The following NSDHL variants were observed in gnomAD, a reference collection of about 807,000 sequenced individuals.
NSDHL encodes NAD(P) dependent 3-beta-hydroxysteroid dehydrogenase NSDHL, also known as sterol-4-alpha-carboxylate 3-dehydrogenase, decarboxylating.
In NSDHL, 1 loss-of-function variant was observed where a neutral mutation model predicts 23.0. The observed-to-expected ratio is 0.04, with a 90% confidence interval of 0.02 to 0.21. NSDHL has a LOEUF of 0.21. Among genes scored for constraint, NSDHL ranks in the 10% least tolerant of loss-of-function variants. The pLI is 1.00. For missense variants in NSDHL, 237 were observed against 300.9 expected, an observed-to-expected ratio of 0.79 and a Z score of 1.57; for synonymous variants, 128 against 121.1, an observed-to-expected ratio of 1.06 and a Z score of -0.37.
rs1933484814 is a variant in NSDHL at position 152,858,904 on chromosome X, G to A, written c.402G>A (p.Glu134=). The change falls in exon 4 of 8, where the codon GAG becomes GAA. Residue 134 remains glutamate (E), a synonymous_variant. Coordinates refer to ENST00000370274, the MANE Select transcript of NSDHL (RefSeq NM_015922.3). ...AGAATGTCATTGAAACTTGCAAAGA[G>A]GCTGGGGTTCAGGTAAGGGGAAGGC... is the stretch of plus-strand genomic sequence containing the variant. ...GTKNVIETCK[E]AGVQKLILTS... The A allele has an allele frequency of 3.3e-6, 4 of 1,206,931 alleles. No individual in the cohort carries two copies. The Admixed American group carries it at 6.6e-5, about 20-fold the overall frequency.
At chrX:152,856,754 T>C (rs1933449021) in intron 3 of NSDHL, among the ~76,000 whole-genome samples, 1 of 112,899 alleles carries the variant, frequency 8.9e-6, no homozygotes, top group Non-Finnish European at 1.9e-5. Flanking sequence ...ACAATGCATT[T>C]TGATTTCAAA....
rs1556846096 is a variant in NSDHL, at chrX:152,850,279, A to G, written c.123A>G (p.Thr41=). 1 of 1,211,442 alleles carries G rather than the reference A, an allele frequency of 8.3e-7. No homozygotes were observed. The highest frequency in any genetic ancestry group is 1.1e-6 in the Non-Finnish European group (1 of 895,091). ...KVNQNQAKRC[T]VIGGSGFLGQ... The stretch of plus-strand genomic sequence containing the variant: ...TCTTTCCACAGGCCAAGAGATGCAC[A>G]GTGATCGGTGGCTCTGGATTCCTGG... The change falls in exon 3 of 8, where the codon ACA becomes ACG. Residue 41 remains threonine (T), a synonymous_variant. Coordinates refer to ENST00000370274, the MANE Select transcript of NSDHL (RefSeq NM_015922.3).
intron 1 of NSDHL, among the ~76,000 whole-genome samples, chrX:152,842,969 C>G (rs1464024923): frequency 6.3e-5 from 7 of 111,850 alleles, no homozygotes; most frequent in Non-Finnish European, 1.1e-4. Flanking sequence ...TGGGATCTGA[C>G]TCATTTGCGC....
Position 152,868,662 on chromosome X carries a change from G to A in NSDHL, c.790-122G>A. The A allele has an allele frequency of 4.9e-6, 3 of 617,915 alleles. No individual in the cohort carries two copies. The Admixed American group carries it at 6.6e-5, about 14-fold the overall frequency. The allele number at this position is 617,915 out of a possible 1,213,427, so 50.9% of individuals were successfully genotyped here. ...TTAGCAGTTGTGCAATTGAGGGCAG[G>A]CCACGTGGAAAGCTGCAGCAATTAG... On this transcript the variant is annotated intron_variant, in intron 7 of 7. Transcript: ENST00000370274.
At chrX:152,868,379 C>T (rs1248765962) in intron 7 of NSDHL, among the ~76,000 whole-genome samples, 8 of 111,399 alleles carry the variant, frequency 7.2e-5, no homozygotes, top group South Asian at 3.7e-4. Flanking sequence ...GTGATCTGCC[C>T]GCCTCTGCGT....
intron 5 of NSDHL, among the ~76,000 whole-genome samples, chrX:152,864,053 A>T (rs1269070404): frequency 2.7e-5 from 3 of 111,696 alleles, no homozygotes; most frequent in African/African-American, 9.8e-5. Context: ...CTGGGATTAC[A>T]GGCGCGTGCC....
Position 152,846,308 on chromosome X carries a change from C to T in NSDHL, c.-17C>T, listed in dbSNP as rs370651827. 2.1e-4 allele frequency: 237 copies of T among 1,144,076 alleles called. No individual in the cohort carries two copies. The highest frequency in any genetic ancestry group is 2.5e-4 in the Non-Finnish European group (209 of 834,467). 94.3% of individuals were successfully genotyped at this position (1,144,076 alleles called of 1,213,427 possible). A position where few individuals can be genotyped will look rare whatever the true frequency, so the allele number is the denominator to read the frequency against. ...AAAGAAAAGTTGATTACAAACGGGA[C>T]CATATTTTGCTTCGAAATGGAACCA... On this transcript the variant is annotated 5_prime_UTR_variant, in exon 2 of 8. Coordinates refer to ENST00000370274, the MANE Select transcript of NSDHL (RefSeq NM_015922.3).
intron 2 of NSDHL, among the ~76,000 whole-genome samples, chrX:152,850,015 A>G (rs1556846059): frequency 8.9e-6 from 1 of 112,030 alleles, no homozygotes. Context: ...CTTGTCATCA[A>G]ACCCAACCAA....
intron 4 of NSDHL, 77 bp downstream of exon 4, chrX:152,858,993 C>A: frequency 1.1e-6 from 1 of 897,001 alleles, no homozygotes; most frequent in Non-Finnish European, 1.6e-6. Context: ...GTAGTTCTTG[C>A]AGTCTCCCTG....
At chrX:152,838,521 A>G (rs1933137702) in intron 1 of NSDHL, among the ~76,000 whole-genome samples, 1 of 112,298 alleles carries the variant, frequency 8.9e-6, no homozygotes, top group Non-Finnish European at 1.9e-5. Context: ...TTGGTTTCAA[A>G]GAACATCTTT....
chrX:152,852,372 A>C (rs1285393789), intron 3 of NSDHL, among the ~76,000 whole-genome samples: 1 of 111,832 alleles, frequency 8.9e-6, no homozygotes, highest in African/African-American at 3.3e-5. Context: ...GTCCCACGTT[A>C]GAATTTCTTC....
chrX:152,860,254 C>T (rs1013366040), intron 4 of NSDHL, among the ~76,000 whole-genome samples: 4 of 111,995 alleles, frequency 3.6e-5, no homozygotes, highest in African/African-American at 1.3e-4. Flanking sequence ...ATTAGCTCCT[C>T]GTTGGGTGAC....
chrX:152,845,126 G>A lies in NSDHL; in HGVS notation c.-43-1156G>A, dbSNP rs189139468. On this transcript the variant is annotated intron_variant, in intron 1 of 7. Transcript: ENST00000370274. Reference sequence around the variant, plus strand: ...AGTTCAGAAAAATGTTCCCCCAAATGGCTCCTCCAGACATTGAGGGTCCTG... The same window carrying A: ...AGTTCAGAAAAATGTTCCCCCAAATAGCTCCTCCAGACATTGAGGGTCCTG... Among the ~76,000 whole-genome samples the A allele has an allele frequency of 2.2e-4, 25 of 111,902 alleles. No individual in the cohort carries two copies. The East Asian group carries it at 6.2e-3, about 28-fold the overall frequency.
intron 4 of NSDHL, among the ~76,000 whole-genome samples, chrX:152,861,382 T>C (rs782674275): frequency 8.8e-6 from 1 of 113,230 alleles, no homozygotes; most frequent in East Asian, 2.8e-4. Flanking sequence ...CTCTGCCCCA[T>C]TGACCTCCCT....
At chrX:152,843,349 A>G (rs1485946045) in intron 1 of NSDHL, among the ~76,000 whole-genome samples, 1 of 112,329 alleles carries the variant, frequency 8.9e-6, no homozygotes, top group Non-Finnish European at 1.9e-5. Context: ...GCTGTAACAG[A>G]TGACCACAAA....
intron 4 of NSDHL, among the ~76,000 whole-genome samples, chrX:152,861,466 C>T (rs1320400771): frequency 8.9e-6 from 1 of 112,933 alleles, no homozygotes; most frequent in Non-Finnish European, 1.9e-5. Flanking sequence ...CGCCCCCAAC[C>T]AATTTCTTCA....
chrX:152,865,400 G>A (rs782072615), intron 5 of NSDHL, among the ~76,000 whole-genome samples: 7 of 112,772 alleles, frequency 6.2e-5, no homozygotes, highest in African/African-American at 2.3e-4. Context: ...TGGTGGAAAC[G>A]TGGGCGGCAC....
chrX:152,845,866 C>T (rs1474606591), intron 1 of NSDHL, among the ~76,000 whole-genome samples: 5 of 112,328 alleles, frequency 4.5e-5, no homozygotes, highest in African/African-American at 9.7e-5. Context: ...CCGTACAGTT[C>T]GTGATAGGCC....
chrX:152,840,799 A>G (rs1212199743), intron 1 of NSDHL, among the ~76,000 whole-genome samples: 1 of 112,646 alleles, frequency 8.9e-6, no homozygotes, highest in Non-Finnish European at 1.9e-5. Context: ...CCTTTCTCAG[A>G]GCTCAAACGC....
Sources: gnomAD v4.1 joint callset for allele counts (sites outside exome capture counted in the v4.1 genomes callset) on GRCh38, gnomAD v4.1.1 for gene constraint, MANE v1.5 for transcripts, NCBI Gene and HGNC (gene_info 2026-07-23, HGNC 2026-07-21) for gene names.